BCO1: variants seen among roughly 807,000 people sequenced by gnomAD.
The protein encoded by BCO1 is beta-carotene oxygenase 1.
In BCO1, 54 loss-of-function variants were observed where a neutral mutation model predicts 56.3. The ratio of observed to expected loss-of-function variants is 0.96; its 90% CI spans 0.77 to 1.20. The LOEUF (loss-of-function observed/expected upper bound fraction) is 1.20, where lower values mean the gene tolerates loss of function less well. BCO1 is among the 50% of genes most tolerant of loss of function. BCO1 has a pLI of 0.00. For synonymous variants in BCO1, 318 were observed against 266.1 expected, an observed-to-expected ratio of 1.20 and a Z score of -1.90; for missense variants, 801 against 690.9, an observed-to-expected ratio of 1.16 and a Z score of -1.79.
At chr16:81,259,827 G>A in intron 3 of BCO1, 22 bp downstream of exon 3, 4 of 1,614,080 alleles carry the variant, frequency 2.5e-6, no homozygotes, top group Non-Finnish European at 3.4e-6. Flanking sequence ...TTTTAAATCT[G>A]AGCAAATTTC....
chr16:81,261,576 T>C (rs1479533412), intron 3 of BCO1, among the ~76,000 whole-genome samples: 2 of 152,124 alleles, frequency 1.3e-5, no homozygotes, highest in African/African-American at 4.8e-5. Context: ...TAGAGACCTT[T>C]GGGTTTTGGG....
chr16:81,281,420 T>C (rs1345355445), intron 8 of BCO1, among the ~76,000 whole-genome samples: 2 of 152,206 alleles, frequency 1.3e-5, no homozygotes, highest in African/African-American at 2.4e-5. Flanking sequence ...TACTCCAGCC[T>C]GGGCAACAGA....
At position 81,259,657 on chromosome 16, in the gene BCO1, G is replaced by C. The variant is rs200643218; in HGVS notation, c.194-19G>C. ...TGTGAAGGCGTCAGCCTGAGATTATGCTGGTTCTTCTCTTGCAGGTGAAGT... is the reference window on the plus strand; with the variant it reads ...TGTGAAGGCGTCAGCCTGAGATTATCCTGGTTCTTCTCTTGCAGGTGAAGT... On this transcript the variant is annotated intron_variant, in intron 2 of 10. Coordinates refer to ENST00000258168, the MANE Select transcript of BCO1 (RefSeq NM_017429.3). 136 of 1,614,206 alleles carry C rather than the reference G, an allele frequency of 8.4e-5. 1 individual carries two copies. Among genetic ancestry groups the C allele is most frequent in the Non-Finnish European group, 9.5e-5 (112 of 1,180,034 alleles).
chr16:81,238,925 G>A lies in BCO1; in HGVS notation c.17G>A (p.Gly6Asp), dbSNP rs764350135. The A allele has an allele frequency of 2.5e-6, 4 of 1,614,068 alleles. No homozygotes were observed. The highest frequency in any genetic ancestry group is 3.4e-6 in the Non-Finnish European group (4 of 1,179,984). ...CCCTGAGCAATGGATATAATATTTG[G>A]CAGGAATAGGAAAGAACAGCTGGAG... is the stretch of plus-strand genomic sequence containing the variant. MDIIF[G>D]RNRKEQLEPV... Residue 6 changes from glycine (G) to aspartate (D), a missense_variant, in exon 1 of 11, where the codon GGC (glycine) becomes GAC (aspartate). Transcript: ENST00000258168.
intron 2 of BCO1, among the ~76,000 whole-genome samples, chr16:81,257,130 T>A (rs1449290172): frequency 1.3e-5 from 2 of 152,092 alleles, no homozygotes; most frequent in Non-Finnish European, 2.9e-5. Flanking sequence ...ATTCTACTCA[T>A]CCTTTAAGAG....
Position 81,238,849 on chromosome 16 carries a change from T to A in BCO1, c.-60T>A. 6.8e-7 allele frequency: 1 copy of A among 1,466,544 alleles called. No individual in the cohort carries two copies. Among genetic ancestry groups the A allele is most frequent in the African/African-American group, 1.4e-5 (1 of 72,006 alleles). 90.8% of individuals were successfully genotyped at this position (1,466,544 alleles called of 1,614,324 possible). A position where few individuals can be genotyped will look rare whatever the true frequency, so the allele number is the denominator to read the frequency against. Reference sequence around the variant, plus strand: ...CGCAGGAGGAGGGAGCAGCATCTCCTGTGAACACAGAGGAGCACCTGTTTG... The same window carrying A: ...CGCAGGAGGAGGGAGCAGCATCTCCAGTGAACACAGAGGAGCACCTGTTTG... On this transcript the variant is annotated 5_prime_UTR_variant, in exon 1 of 11. Transcript: ENST00000258168.
intron 10 of BCO1, 85 bp downstream of exon 10, chr16:81,287,491 C>T (rs1254312823): frequency 1.2e-5 from 13 of 1,040,814 alleles, no homozygotes; most frequent in Non-Finnish European, 1.9e-5. Context: ...GGCAGCTGAC[C>T]CCCCCAGGTC....
Position 81,266,017 on chromosome 16 carries a change from GCACC to G in BCO1, c.619+1243_619+1246del, listed in dbSNP as rs1289286300. The stretch of plus-strand genomic sequence containing the variant: ...GTCTACTATCCACCGATTCATGCAT[GCACC>G]CACCCACCCACCTATCGATTCATCC... On this transcript the variant is annotated intron_variant, in intron 5 of 10. Coordinates refer to ENST00000258168, the MANE Select transcript of BCO1 (RefSeq NM_017429.3). Among the ~76,000 whole-genome samples the G allele has an allele frequency of 1.3e-4, 19 of 150,436 alleles. 1 individual carries two copies. In the South Asian group the frequency reaches 4.0e-3, roughly 32 times the overall value.
intron 7 of BCO1, among the ~76,000 whole-genome samples, chr16:81,274,889 G>A (rs1907460465): frequency 6.6e-6 from 1 of 150,706 alleles, no homozygotes; most frequent in Non-Finnish European, 1.5e-5. Flanking sequence ...GCAACAGAGT[G>A]AGACTCCATC....
At chr16:81,273,332 C>G (rs1907355519) in intron 7 of BCO1, among the ~76,000 whole-genome samples, 1 of 152,120 alleles carries the variant, frequency 6.6e-6, no homozygotes, top group Non-Finnish European at 1.5e-5. Flanking sequence ...GCTATTCTCC[C>G]CAGTAGCCCT....
intron 5 of BCO1, among the ~76,000 whole-genome samples, chr16:81,265,644 C>T (rs138022489): frequency 1.3e-3 from 193 of 149,072 alleles, no homozygotes; most frequent in African/African-American, 4.6e-3. Context: ...TCCATTCATC[C>T]ATCCACCCAC....
intron 7 of BCO1, among the ~76,000 whole-genome samples, chr16:81,272,199 C>T (rs1176839204): frequency 9.3e-5 from 14 of 150,662 alleles, no homozygotes; most frequent in South Asian, 2.1e-4. Flanking sequence ...CTGCAAGCTC[C>T]GCCTCCCAGG....
chr16:81,263,549 A>C (rs1190204377), intron 4 of BCO1: 1 of 152,146 alleles, frequency 6.6e-6, no homozygotes, highest in Non-Finnish European at 1.5e-5. Context: ...TCTTTTTTGC[A>C]AGACACAATT....
At chr16:81,264,584 C>T in intron 4 of BCO1, 56 bp from the exon 5 acceptor site, 3 of 1,589,322 alleles carry the variant, frequency 1.9e-6, no homozygotes, top group Non-Finnish European at 2.6e-6. Context: ...GATGTCATAT[C>T]TTGCAGGTTG....
chr16:81,255,223 ATTGT>A (rs1485036895), intron 2 of BCO1, among the ~76,000 whole-genome samples: 10 of 152,148 alleles, frequency 6.6e-5, no homozygotes, highest in African/African-American at 2.4e-4. Context: ...ACTCAAACTG[ATTGT>A]TCTTGCTGTG....
At chr16:81,265,611 TCCAC>T (rs1906769224) in intron 5 of BCO1, among the ~76,000 whole-genome samples, 1 of 131,366 alleles carries the variant, frequency 7.6e-6, no homozygotes, top group South Asian at 2.8e-4. Flanking sequence ...CATCCATCCA[TCCAC>T]CCACCCATCC....
intron 3 of BCO1, among the ~76,000 whole-genome samples, chr16:81,260,266 C>A (rs904706396): frequency 1.0e-4 from 15 of 149,542 alleles, no homozygotes; most frequent in African/African-American, 3.7e-4. Context: ...TGAGGATGTT[C>A]TCTTTGCACT....
At chr16:81,265,913 C>G (rs1906792998) in intron 5 of BCO1, among the ~76,000 whole-genome samples, 1 of 151,970 alleles carries the variant, frequency 6.6e-6, no homozygotes, top group African/African-American at 2.4e-5. Flanking sequence ...CAACATCCAT[C>G]TACCATGTGC....
At chr16:81,239,024 T>TA (rs757404505) in intron 1 of BCO1, 52 bp downstream of exon 1, 17 of 1,493,894 alleles carry the variant, frequency 1.1e-5, no homozygotes, top group African/African-American at 1.4e-5. Flanking sequence ...TTTATTATTT[T>TA]TTTTTTTTTT....
Sources: allele counts gnomAD v4.1 joint callset (sites outside exome capture counted in the v4.1 genomes callset), GRCh38; gene constraint gnomAD v4.1.1; transcripts MANE v1.5; gene names NCBI Gene and HGNC (gene_info 2026-07-23, HGNC 2026-07-21).